EFCAB10: variants seen among roughly 807,000 people sequenced by gnomAD.
EFCAB10 encodes the protein EF-hand calcium-binding domain-containing protein 10.
Under a neutral mutation model 7.7 loss-of-function variants are expected in EFCAB10, and 7 were observed. The observed-to-expected ratio is 0.91, with a 90% CI of 0.52 to 1.72. The LOEUF (loss-of-function observed/expected upper bound fraction) is 1.72. Among genes scored for constraint, EFCAB10 ranks in the 40% most tolerant of loss-of-function variants. The pLI is 0.00. For synonymous variants in EFCAB10, 52 were observed against 21.0 expected, an observed-to-expected ratio of 2.47 and a Z score of -4.03; for missense variants, 112 against 61.5, an observed-to-expected ratio of 1.82 and a Z score of -2.74.
intron 1 of EFCAB10, among the ~76,000 whole-genome samples, chr7:105,575,732 A>G (rs1421178334): frequency 6.6e-6 from 1 of 152,150 alleles, no homozygotes; most frequent in Non-Finnish European, 1.5e-5. Context: ...AAATTGGGAC[A>G]CATATCATAA....
At chr7:105,569,342 T>C in intron 2 of EFCAB10, 52 bp from the exon 3 acceptor site, 1 of 695,188 alleles carries the variant, frequency 1.4e-6, no homozygotes, top group Non-Finnish European at 2.6e-6. Context: ...GTGAGAAGTA[T>C]TTTCTGCTAG....
chr7:105,569,735 T>C (rs945709049), intron 1 of EFCAB10, among the ~76,000 whole-genome samples, 164 bp from the exon 2 acceptor site: 4 of 152,064 alleles, frequency 2.6e-5, no homozygotes, highest in African/African-American at 7.2e-5. Context: ...AGGTAAGACA[T>C]TGAACACTTA....
At position 105,569,540 on chromosome 7, in the gene EFCAB10, C is replaced by T. The variant is rs1562866004; in HGVS notation, c.138G>A (p.Leu46=). The change falls in exon 2 of 5, where the codon TTG becomes TTA. Residue 46 remains leucine (L), a synonymous_variant. Transcript: ENST00000480514. ...TTACTTTTGCAATTCTCAGTCGTTC[C>T]AATAGAGATATTAAATATTCTTTTG... The part of the protein sequence containing the change: ...EKPKEYLISL[L]ERLRIAKVTG... 1.4e-6 allele frequency: 1 copy of T among 700,474 alleles called. No individual in the cohort carries two copies. Among genetic ancestry groups the T allele is most frequent in the Non-Finnish European group, 2.6e-6 (1 of 384,462 alleles). 43.4% of individuals were successfully genotyped at this position (700,474 alleles called of 1,614,324 possible).
At chr7:105,577,267 G>GA (rs1171294302) in intron 1 of EFCAB10, among the ~76,000 whole-genome samples, 3 of 151,994 alleles carry the variant, frequency 2.0e-5, no homozygotes, top group South Asian at 2.1e-4. Context: ...TGTGCTGGAG[G>GA]AAAAAAAGAA....
intron 1 of EFCAB10, among the ~76,000 whole-genome samples, chr7:105,580,143 G>A (rs1181418344): frequency 2.6e-5 from 4 of 151,938 alleles, no homozygotes; most frequent in South Asian, 2.1e-4. Context: ...GCACCACCAC[G>A]TGCAGCTAAG....
At chr7:105,578,417 G>A (rs990538598) in intron 1 of EFCAB10, among the ~76,000 whole-genome samples, 2 of 152,080 alleles carry the variant, frequency 1.3e-5, no homozygotes, top group African/African-American at 4.8e-5. Flanking sequence ...AAGCCAAGAT[G>A]TCCAATATCC....
intron 1 of EFCAB10, among the ~76,000 whole-genome samples, chr7:105,574,603 G>C (rs1047890757): frequency 1.3e-5 from 2 of 151,858 alleles, no homozygotes; most frequent in Non-Finnish European, 2.9e-5. Context: ...TCCTGCCTCA[G>C]CCTCCCGAGT....
At chr7:105,565,753 G>A (rs1322083155) in intron 4 of EFCAB10, 2 of 725,930 alleles carry the variant, frequency 2.8e-6, no homozygotes, top group African/African-American at 3.5e-5. Flanking sequence ...GATAAGATCA[G>A]TTGAAATTTT....
chr7:105,565,444 A>G lies in EFCAB10; in HGVS notation c.*3T>C, dbSNP rs1344560234. On this transcript the variant is annotated 3_prime_UTR_variant, in exon 5 of 5. Transcript: ENST00000480514. ...ATGCTTGTAGAGAAGCTGGATGTATACATCTACCAAGAAGTAAGTAAGAAT... is the reference window on the plus strand; with the variant it reads ...ATGCTTGTAGAGAAGCTGGATGTATGCATCTACCAAGAAGTAAGTAAGAAT... 1 of 1,614,086 alleles carries G rather than the reference A, an allele frequency of 6.2e-7. No individual in the cohort carries two copies.
intron 1 of EFCAB10, among the ~76,000 whole-genome samples, chr7:105,574,260 T>C (rs552974550): frequency 2.0e-5 from 3 of 150,566 alleles, no homozygotes; most frequent in South Asian, 4.2e-4. Context: ...TATATATATA[T>C]ATACATATAC....
chr7:105,566,115 CA>C (rs5886358), intron 4 of EFCAB10, among the ~76,000 whole-genome samples: 136,061 of 147,834 alleles, frequency 0.92, 62,571 homozygotes, highest in Middle Eastern at 0.96. Flanking sequence ...CTAAAAATAC[CA>C]AAAAAAAAAA....
intron 1 of EFCAB10, chr7:105,572,717 T>TG (rs376107543): frequency 1.8e-4 from 28 of 152,280 alleles, no homozygotes; most frequent in Admixed American, 1.2e-3. Context: ...GTTTTAGAGA[T>TG]GGGGTCTCAT....
At chr7:105,578,905 T>C (rs373968577) in intron 1 of EFCAB10, among the ~76,000 whole-genome samples, 69 of 152,260 alleles carry the variant, frequency 4.5e-4, no homozygotes, top group African/African-American at 1.6e-3. Context: ...CCCTAGTAGC[T>C]GGGACTAGAG....
intron 1 of EFCAB10, among the ~76,000 whole-genome samples, chr7:105,570,379 C>T (rs1032741041): frequency 4.0e-5 from 6 of 149,062 alleles, no homozygotes; most frequent in African/African-American, 1.5e-4. Context: ...TCATTTCTAA[C>T]AAAGCAATTT....
chr7:105,579,087 T>C (rs1012012376), intron 1 of EFCAB10, among the ~76,000 whole-genome samples: 2 of 152,218 alleles, frequency 1.3e-5, no homozygotes, highest in African/African-American at 4.8e-5. Context: ...TTAAAAAGTT[T>C]TGAATGTAGG....
intron 1 of EFCAB10, among the ~76,000 whole-genome samples, chr7:105,578,657 A>C (rs1361078475): frequency 6.6e-6 from 1 of 152,246 alleles, no homozygotes; most frequent in African/African-American, 2.4e-5. Flanking sequence ...AGCCAGATCA[A>C]GTATCTGATG....
chr7:105,567,063 T>C (rs1225729493), intron 4 of EFCAB10: 1 of 1,112,728 alleles, frequency 9.0e-7, no homozygotes, highest in Non-Finnish European at 1.2e-6. Context: ...AAAATTGTAA[T>C]ATAATTGATG....
intron 1 of EFCAB10, among the ~76,000 whole-genome samples, chr7:105,576,529 G>T (rs891471840): frequency 6.6e-6 from 1 of 152,090 alleles, no homozygotes; most frequent in African/African-American, 2.4e-5. Context: ...TGCAAGCTCC[G>T]CCTCCCAGGC....
intron 1 of EFCAB10, 84 bp from the exon 2 acceptor site, chr7:105,569,655 A>C: frequency 4.7e-6 from 3 of 642,560 alleles, no homozygotes; most frequent in Non-Finnish European, 8.3e-6. Flanking sequence ...ATTATTAAAC[A>C]GCTATAGCAA....
Sources: gnomAD v4.1 joint callset for allele counts (sites outside exome capture counted in the v4.1 genomes callset) on GRCh38, gnomAD v4.1.1 for gene constraint, MANE v1.5 for transcripts, NCBI Gene and HGNC (gene_info 2026-07-23, HGNC 2026-07-21) for gene names.